UHRF1: variants seen among roughly 807,000 people sequenced by gnomAD.
UHRF1 encodes ubiquitin like with PHD and ring finger domains 1.
In UHRF1, 9 loss-of-function variants were observed where a neutral mutation model predicts 96.5. That is an observed-to-expected ratio of 0.09 (90% confidence interval 0.06 to 0.16). UHRF1 has a LOEUF of 0.16. Ranked by LOEUF, UHRF1 falls within the 10% of genes least tolerant of loss-of-function variation. UHRF1 has a pLI of 1.00. For synonymous variants in UHRF1, 455 were observed against 469.9 expected, an observed-to-expected ratio of 0.97 and a Z score of 0.41; for missense variants, 626 against 1,131.1, an observed-to-expected ratio of 0.55 and a Z score of 6.40.
At chr19:4,905,267 C>G (rs2032043134), upstream of UHRF1, among the ~76,000 whole-genome samples, 1 of 150,716 alleles carries the variant, frequency 6.6e-6, no homozygotes, top group Non-Finnish European at 1.5e-5. Context: ...CAGGCATGTG[C>G]CACCATGCCC....
At chr19:4,924,254 ATT>A (rs1257846448) in intron 2 of UHRF1, among the ~76,000 whole-genome samples, 14 of 152,164 alleles carry the variant, frequency 9.2e-5, no homozygotes, top group Non-Finnish European at 2.1e-4. Context: ...GGTTCATGCC[ATT>A]CTCCTGCCTC....
At chr19:4,909,743 C>T (rs913686061) in intron 1 of UHRF1, 88 bp downstream of exon 1, 1 of 488,244 alleles carries the variant, frequency 2.0e-6, no homozygotes, top group East Asian at 3.6e-5. Flanking sequence ...GCGGCCAGCC[C>T]GGGCGCACGC....
At chr19:4,944,556 T>A in intron 9 of UHRF1, 106 bp downstream of exon 9, 1 of 1,247,418 alleles carries the variant, frequency 8.0e-7, no homozygotes, top group Non-Finnish European at 1.2e-6. Flanking sequence ...TGGTTACCAG[T>A]GGTGCCTCGG....
At chr19:4,956,905 C>A in intron 16 of UHRF1, 92 bp downstream of exon 16, 2 of 920,668 alleles carry the variant, frequency 2.2e-6, no homozygotes, top group Non-Finnish European at 1.7e-6. Context: ...CAGACAGAGG[C>A]TTGTTGGCTT....
chr19:4,952,392 C>CA (rs1568182324), intron 13 of UHRF1, among the ~76,000 whole-genome samples: 2 of 85,836 alleles, frequency 2.3e-5, no homozygotes, highest in South Asian at 4.7e-4. Flanking sequence ...CCGCTCCCAG[C>CA]CTTTTTTTTT....
At chr19:4,934,403 C>G (rs967519178) in intron 5 of UHRF1, among the ~76,000 whole-genome samples, 1 of 152,198 alleles carries the variant, frequency 6.6e-6, no homozygotes, top group African/African-American at 2.4e-5. Context: ...CGTTGTTACG[C>G]AACCATCTCC....
chr19:4,944,480 C>T, intron 9 of UHRF1, 30 bp downstream of exon 9: 1 of 1,611,030 alleles, frequency 6.2e-7, no homozygotes, highest in Non-Finnish European at 8.5e-7. Flanking sequence ...GCTCCAGGGG[C>T]CACGCGGGCT....
chr19:4,939,058 C>T lies in UHRF1; in HGVS notation c.786-2470C>T, dbSNP rs902987393. On this transcript the variant is annotated intron_variant, in intron 5 of 16. Coordinates refer to ENST00000650932, the MANE Select transcript of UHRF1 (RefSeq NM_001048201.3). ...CCTCCCGAGTAGCTGGGATTACAGG[C>T]GTGCTCCACTGCACCTGGCTCATTT... Among the ~76,000 whole-genome samples, 32 of 150,342 alleles carry T rather than the reference C, an allele frequency of 2.1e-4. 1 individual carries two copies. The highest frequency in any genetic ancestry group is 5.8e-4 in the East Asian group (3 of 5,174).
At chr19:4,950,400 C>T (rs545154568) in intron 11 of UHRF1, among the ~76,000 whole-genome samples, 34 of 152,094 alleles carry the variant, frequency 2.2e-4, no homozygotes, top group African/African-American at 6.0e-4. Flanking sequence ...CGCGCCACCA[C>T]GCCCGGCTAA....
chr19:4,958,726 C>T lies in UHRF1; in HGVS notation c.2235+1913C>T, dbSNP rs1198033395. ...GTGGCTAATGCCTGTAATCCCAGCA[C>T]TTGGGGAGGCTGAGGTGGGAGGATC... is the stretch of plus-strand genomic sequence containing the variant. On this transcript the variant is annotated intron_variant, in intron 16 of 16. Coordinates refer to ENST00000650932, the MANE Select transcript of UHRF1 (RefSeq NM_001048201.3). 2.6e-5 allele frequency among the ~76,000 whole-genome samples: 4 copies of T among 152,092 alleles called. No individual in the cohort carries two copies. In the East Asian group the frequency reaches 7.8e-4, roughly 30 times the overall value.
At position 4,958,096 on chromosome 19, in the gene UHRF1, G is replaced by A. The variant is rs369037710; in HGVS notation, c.2235+1283G>A. Among the ~76,000 whole-genome samples the A allele has an allele frequency of 1.1e-3, 162 of 152,340 alleles. 3 individuals carry two copies. The South Asian group carries it at 0.03, about 28-fold the overall frequency. The stretch of plus-strand genomic sequence containing the variant: ...CTCAGGGAAGGTCAGGAGATGGGGT[G>A]TTCCCAGTCATGCCCATGGCATCTC... On this transcript the variant is annotated intron_variant, in intron 16 of 16. Transcript: ENST00000650932.
chr19:4,927,436 C>T (rs2032909251), intron 2 of UHRF1, among the ~76,000 whole-genome samples: 1 of 148,930 alleles, frequency 6.7e-6, no homozygotes, highest in South Asian at 2.2e-4. Flanking sequence ...CAGCCTTTAT[C>T]AGGTTCTTAG....
At chr19:4,945,150 C>T (rs879462806) in intron 9 of UHRF1, among the ~76,000 whole-genome samples, 5 of 152,236 alleles carry the variant, frequency 3.3e-5, no homozygotes, top group Non-Finnish European at 7.3e-5. Context: ...GCCCCATGCT[C>T]AGGCCAGGGC....
At chr19:4,938,252 G>A (rs1447412421) in intron 5 of UHRF1, among the ~76,000 whole-genome samples, 1 of 152,090 alleles carries the variant, frequency 6.6e-6, no homozygotes, top group Non-Finnish European at 1.5e-5. Flanking sequence ...CTATGCTTAT[G>A]TGACTGTCTG....
At chr19:4,932,986 C>T in intron 5 of UHRF1, 30 bp downstream of exon 5, 5 of 1,565,642 alleles carry the variant, frequency 3.2e-6, no homozygotes, top group Middle Eastern at 3.5e-4. Context: ...GCGAGCCCTT[C>T]CTCTCTCCTT....
At chr19:4,923,155 C>T (rs1002377841) in intron 2 of UHRF1, among the ~76,000 whole-genome samples, 1 of 152,212 alleles carries the variant, frequency 6.6e-6, no homozygotes, top group African/African-American at 2.4e-5. Context: ...TCTCATTGGC[C>T]CTGCCTCCCT....
At position 4,944,228 on chromosome 19, in the gene UHRF1, A is replaced by G. The variant is rs1393546377; in HGVS notation, c.1170A>G (p.Thr390=). The G allele has an allele frequency of 4.3e-6, 7 of 1,614,054 alleles. No individual in the cohort carries two copies. Among genetic ancestry groups the G allele is most frequent in the Non-Finnish European group, 5.9e-6 (7 of 1,179,898 alleles). The stretch of plus-strand genomic sequence containing the variant: ...AGAAGGCGAAGATGGCCTCGGCCAC[A>G]TCGTCCTCACAGCGGGACTGGGGCA... The part of the protein sequence containing the change: ...SKKKAKMASA[T]SSSQRDWGKG... Residue 390 remains threonine (T), a synonymous_variant, in exon 8 of 17, where the codon ACA becomes ACG. Coordinates refer to ENST00000650932, the MANE Select transcript of UHRF1 (RefSeq NM_001048201.3).
chr19:4,936,208 G>C (rs2033211579), intron 5 of UHRF1, among the ~76,000 whole-genome samples: 2 of 152,164 alleles, frequency 1.3e-5, no homozygotes, highest in South Asian at 4.1e-4. Context: ...CAGTGAGAGG[G>C]TCACGCTGAG....
At chr19:4,915,062 A>G (rs1035661506) in intron 2 of UHRF1, among the ~76,000 whole-genome samples, 1 of 152,238 alleles carries the variant, frequency 6.6e-6, no homozygotes, top group Non-Finnish European at 1.5e-5. Context: ...CCTACCAGTC[A>G]TGACAACCAC....
Sources: gnomAD v4.1 joint callset for allele counts (sites outside exome capture counted in the v4.1 genomes callset) on GRCh38, gnomAD v4.1.1 for gene constraint, MANE v1.5 for transcripts, NCBI Gene and HGNC (gene_info 2026-07-23, HGNC 2026-07-21) for gene names.